Variants in TLK1 observed in about 807,000 individuals in gnomAD.
The protein encoded by TLK1 is serine/threonine-protein kinase tousled-like 1.
A neutral mutation model predicts 105.3 loss-of-function variants in TLK1; 24 were observed. The ratio of observed to expected loss-of-function variants is 0.23; its 90% CI spans 0.17 to 0.32. The LOEUF (loss-of-function observed/expected upper bound fraction) is 0.32, where lower values mean the gene tolerates loss of function less well. Ranked by LOEUF, TLK1 falls within the 10% of genes least tolerant of loss-of-function variation. The probability of loss-of-function intolerance (pLI) is 1.00; values close to 1 mark genes in which losing one functional copy is unlikely to be tolerated. For missense variants in TLK1, 558 were observed against 910.5 expected (o/e 0.61, Z 4.98); for synonymous variants, 321 against 310.4 (o/e 1.03, Z -0.36).
intron 3 of TLK1, among the ~76,000 whole-genome samples, chr2:171,066,192 C>T (rs1000723422): frequency 6.6e-6 from 1 of 152,098 alleles, no homozygotes; most frequent in Admixed American, 6.5e-5. Flanking sequence ...AAAAGAAGAT[C>T]TCTACTATAA....
At chr2:171,163,321 C>T (rs893231240), upstream of TLK1, among the ~76,000 whole-genome samples, 16 of 152,216 alleles carry the variant, frequency 1.1e-4, no homozygotes, top group Admixed American at 3.3e-4. Flanking sequence ...ATAGGCTTTC[C>T]TTTCCCTTGG....
intron 1 of TLK1, among the ~76,000 whole-genome samples, chr2:171,142,635 CAAATT>C (rs1463241896): frequency 6.6e-6 from 1 of 152,060 alleles, no homozygotes; most frequent in Admixed American, 6.6e-5. Context: ...CAAAAACTGA[CAAATT>C]AAACAGAGAG....
At chr2:171,172,106 AAC>A (rs2105302864) in intron 1 of TLK1, among the ~76,000 whole-genome samples, 1 of 152,354 alleles carries the variant, frequency 6.6e-6, no homozygotes, top group South Asian at 2.1e-4. Flanking sequence ...ATCACAACTA[AAC>A]ACAATGATGT....
At chr2:171,209,986 C>T (rs1438021686) in intron 1 of TLK1, among the ~76,000 whole-genome samples, 1 of 152,218 alleles carries the variant, frequency 6.6e-6, no homozygotes, top group Admixed American at 6.5e-5. Flanking sequence ...CTTGTAGGCA[C>T]AGGCAGTGTA....
chr2:171,079,112 T>C (rs964171), intron 3 of TLK1, among the ~76,000 whole-genome samples: 10,204 of 152,288 alleles, frequency 0.067, 1,044 homozygotes, highest in African/African-American at 0.22. Context: ...TAAAGAGCAG[T>C]AGTGGCTGAG....
chr2:171,006,638 C>T lies in TLK1; in HGVS notation c.1604G>A (p.Cys535Tyr). ...DYFSLDTDTF[C>Y]TVLEYCEGND... ...GCCTTCACAGTATTCTAACACTGTA[C>T]AAAACCTACAACAGAGAAGAGAAAA... The change falls in exon 17 of 21, where the codon TGT (cysteine) becomes TAT (tyrosine). Residue 535 changes from cysteine (C) to tyrosine (Y), a missense_variant. By Grantham distance (194) the Cys-to-Tyr change is radical. Coordinates refer to ENST00000431350, the MANE Select transcript of TLK1 (RefSeq NM_012290.5). 6.2e-7 allele frequency: 1 copy of T among 1,611,984 alleles called. No individual in the cohort carries two copies.
At chr2:171,017,640 T>G (rs1318110004) in intron 12 of TLK1, among the ~76,000 whole-genome samples, 1 of 152,216 alleles carries the variant, frequency 6.6e-6, no homozygotes, top group African/African-American at 2.4e-5. Flanking sequence ...AAAATATGTA[T>G]CAGCAAATTA....
chr2:171,211,208 T>C (rs1451849805), intron 1 of TLK1, among the ~76,000 whole-genome samples: 1 of 152,246 alleles, frequency 6.6e-6, no homozygotes, highest in Admixed American at 6.5e-5. Flanking sequence ...ACAGTTTACA[T>C]TGCTGTAGAG....
chr2:171,060,205 A>C (rs531584514), intron 4 of TLK1, among the ~76,000 whole-genome samples: 1 of 152,236 alleles, frequency 6.6e-6, no homozygotes, highest in Non-Finnish European at 1.5e-5. Context: ...ACCAATCCAG[A>C]AGCCTCATCT....
chr2:171,153,424 A>T (rs1049993830), intron 1 of TLK1, among the ~76,000 whole-genome samples: 1 of 152,248 alleles, frequency 6.6e-6, no homozygotes, highest in Non-Finnish European at 1.5e-5. Flanking sequence ...CTGGGTCTGA[A>T]ATATGTGCAT....
chr2:171,206,036 T>C (rs1456939746), intron 1 of TLK1, among the ~76,000 whole-genome samples: 1 of 152,214 alleles, frequency 6.6e-6, no homozygotes, highest in African/African-American at 2.4e-5. Context: ...AATGAAACTA[T>C]GTTATATTTT....
intron 2 of TLK1, among the ~76,000 whole-genome samples, chr2:171,093,908 C>T (rs770356007): frequency 2.4e-4 from 36 of 149,164 alleles, no homozygotes; most frequent in Admixed American, 6.6e-5. Flanking sequence ...GTAGCCAACA[C>T]CAGGAGTAAG....
chr2:171,116,901 T>C (rs1204134787), intron 2 of TLK1, among the ~76,000 whole-genome samples: 1 of 152,230 alleles, frequency 6.6e-6, no homozygotes, highest in Non-Finnish European at 1.5e-5. Context: ...AATTTCAGTC[T>C]ATACATACCC....
chr2:171,210,612 A>T (rs1275176409), intron 1 of TLK1, among the ~76,000 whole-genome samples: 1 of 152,236 alleles, frequency 6.6e-6, no homozygotes, highest in East Asian at 1.9e-4. Flanking sequence ...CCTGTGCAAA[A>T]ACAAAGTCAA....
chr2:171,057,576 A>C (rs2105441294), intron 5 of TLK1, among the ~76,000 whole-genome samples: 1 of 152,206 alleles, frequency 6.6e-6, no homozygotes, highest in Admixed American at 6.5e-5. Context: ...TGGTGGAAAA[A>C]AAAATCAGTC....
chr2:171,141,163 A>C (rs1691558316), intron 1 of TLK1, among the ~76,000 whole-genome samples: 1 of 152,208 alleles, frequency 6.6e-6, no homozygotes, highest in Admixed American at 6.5e-5. Context: ...ACCAGGAGGA[A>C]AGAAGATGAC....
At chr2:171,036,324 A>G (rs1686332864) in intron 11 of TLK1, among the ~76,000 whole-genome samples, 1 of 152,150 alleles carries the variant, frequency 6.6e-6, no homozygotes. Flanking sequence ...GGGCACCTGT[A>G]AACCCCAGCT....
intron 3 of TLK1, among the ~76,000 whole-genome samples, chr2:171,061,936 G>T (rs1026464930): frequency 1.3e-5 from 2 of 152,066 alleles, no homozygotes; most frequent in Non-Finnish European, 2.9e-5. Context: ...ACATTACAAC[G>T]GCAGAGCTGA....
intron 1 of TLK1, among the ~76,000 whole-genome samples, chr2:171,139,255 C>G (rs1691470507): frequency 2.6e-5 from 4 of 151,804 alleles, no homozygotes; most frequent in Admixed American, 2.0e-4. Context: ...TTATTTGAAT[C>G]CAAACTTAAC....
Sources: gnomAD v4.1 joint callset for allele counts (sites outside exome capture counted in the v4.1 genomes callset) on GRCh38, gnomAD v4.1.1 for gene constraint, MANE v1.5 for transcripts, NCBI Gene and HGNC (gene_info 2026-07-23, HGNC 2026-07-21) for gene names.